CNTN4: variants seen among roughly 807,000 people sequenced by gnomAD.
The protein encoded by CNTN4 is contactin 4.
In CNTN4, 77 loss-of-function variants were observed where a neutral mutation model predicts 122.5. That is an observed-to-expected ratio of 0.63 (90% CI 0.52 to 0.76). The LOEUF (loss-of-function observed/expected upper bound fraction) is 0.76, where lower values mean the gene tolerates loss of function less well. Among genes scored for constraint, CNTN4 ranks in the 30% least tolerant of loss-of-function variants. CNTN4 has a pLI of 0.00. For synonymous variants in CNTN4, 512 were observed against 447.0 expected (o/e 1.15, Z -1.83); for missense variants, 1,256 against 1,259.1 (o/e 1.00, Z 0.04).
At chr3:2,501,579 G>C (rs988414243) in intron 3 of CNTN4, among the ~76,000 whole-genome samples, 2 of 152,134 alleles carry the variant, frequency 1.3e-5, no homozygotes, top group African/African-American at 4.8e-5. Flanking sequence ...AAAGCTAGCA[G>C]TGTACCATCT....
Position 2,689,801 on chromosome 3 carries a change from C to T in CNTN4, c.56-46414C>T, listed in dbSNP as rs74784384. On this transcript the variant is annotated intron_variant, in intron 4 of 24. Coordinates refer to ENST00000418658, the MANE Select transcript of CNTN4 (RefSeq NM_175607.3). ...TATACACCACAATACGAATCCAGGG[C>T]TTCTGTAAGGTCACAGAGCAATCCT... Among the ~76,000 whole-genome samples, 1,145 of 152,200 alleles carry T rather than the reference C, an allele frequency of 7.5e-3. 14 individuals are homozygous for T. Among genetic ancestry groups the T allele is most frequent in the African/African-American group, 0.026 (1,076 of 41,532 alleles).
intron 3 of CNTN4, among the ~76,000 whole-genome samples, chr3:2,403,962 C>T (rs573225480): frequency 6.6e-6 from 1 of 152,154 alleles, no homozygotes; most frequent in Non-Finnish European, 1.5e-5. Context: ...ATAGTGGACC[C>T]TATGAGTACA....
At chr3:2,720,476 A>G (rs2087779222) in intron 4 of CNTN4, among the ~76,000 whole-genome samples, 3 of 152,180 alleles carry the variant, frequency 2.0e-5, no homozygotes, top group African/African-American at 7.2e-5. Context: ...TATGTACCCA[A>G]CTGAGCCATC....
chr3:2,949,519 C>T lies in CNTN4; in HGVS notation c.1358+23740C>T, dbSNP rs542184086. 1.9e-4 allele frequency among the ~76,000 whole-genome samples: 29 copies of T among 152,202 alleles called. 1 individual carries two copies. The South Asian group carries it at 2.5e-3, about 13-fold the overall frequency. On this transcript the variant is annotated intron_variant, in intron 13 of 24. Transcript: ENST00000418658. ...CTCTGCTGTTCTCTACCCAGTGGAC[C>T]GGGTTATGGGAAGGCACAGGCTAAG... is the stretch of plus-strand genomic sequence containing the variant.
chr3:2,571,633 CT>C, intron 4 of CNTN4, 75 bp downstream of exon 4: 1 of 1,044,630 alleles, frequency 9.6e-7, no homozygotes, highest in Non-Finnish European at 1.5e-6. Context: ...TGGGCCTTCA[CT>C]TTAGACGGCA....
At chr3:3,050,726 G>A (rs1041978273) in intron 23 of CNTN4, among the ~76,000 whole-genome samples, 2 of 131,116 alleles carry the variant, frequency 1.5e-5, no homozygotes, top group South Asian at 2.4e-4. Context: ...TCACACCATC[G>A]CACTCTAGCC....
intron 2 of CNTN4, among the ~76,000 whole-genome samples, chr3:2,228,113 G>C (rs1229801482): frequency 6.6e-6 from 1 of 151,984 alleles, no homozygotes; most frequent in Non-Finnish European, 1.5e-5. Context: ...CTAGTTACAA[G>C]TGATTTTTTT....
At chr3:2,164,348 AAAAG>A (rs1327522778) in intron 2 of CNTN4, among the ~76,000 whole-genome samples, 1 of 152,170 alleles carries the variant, frequency 6.6e-6, no homozygotes, top group African/African-American at 2.4e-5. Flanking sequence ...CTGTAAGTAA[AAAAG>A]AGGTTTTATA....
intron 2 of CNTN4, among the ~76,000 whole-genome samples, chr3:2,250,173 G>A (rs746387087): frequency 1.3e-5 from 2 of 151,834 alleles, no homozygotes; most frequent in Non-Finnish European, 2.9e-5. Flanking sequence ...TCACTTCTGT[G>A]TGATCAATTA....
At chr3:2,511,677 G>A (rs1271276464) in intron 3 of CNTN4, 1 of 152,142 alleles carries the variant, frequency 6.6e-6, no homozygotes, top group Non-Finnish European at 1.5e-5. Context: ...AGCGAAACTG[G>A]GACATTTTAC....
chr3:2,916,306 A>C lies in CNTN4; in HGVS notation c.1208-9323A>C, dbSNP rs996926232. Among the ~76,000 whole-genome samples, 5 of 151,530 alleles carry C rather than the reference A, an allele frequency of 3.3e-5. No individual in the cohort carries two copies. In the South Asian group the frequency reaches 1.1e-3, roughly 32 times the overall value. The stretch of plus-strand genomic sequence containing the variant: ...TGGAGGGAAGGTCAGCAGATAAACA[A>C]GTGAACAAGGGTCTCTGGTTTTCCT... On this transcript the variant is annotated intron_variant, in intron 12 of 24. Coordinates refer to ENST00000418658, the MANE Select transcript of CNTN4 (RefSeq NM_175607.3).
chr3:2,738,602 A>G (rs1390745186), intron 5 of CNTN4, among the ~76,000 whole-genome samples: 5 of 152,220 alleles, frequency 3.3e-5, no homozygotes, highest in African/African-American at 1.2e-4. Context: ...GAACAATAAA[A>G]ATAATAAAAA....
At chr3:2,616,134 T>G (rs1466923288) in intron 4 of CNTN4, among the ~76,000 whole-genome samples, 1 of 151,864 alleles carries the variant, frequency 6.6e-6, no homozygotes, top group Non-Finnish European at 1.5e-5. Flanking sequence ...GTCATCTAGC[T>G]GCCCTCCCCT....
At chr3:2,256,952 T>C (rs2040618667) in intron 2 of CNTN4, among the ~76,000 whole-genome samples, 1 of 152,082 alleles carries the variant, frequency 6.6e-6, no homozygotes, top group Non-Finnish European at 1.5e-5. Flanking sequence ...AAATTTTGTA[T>C]GGAACCAAAA....
intron 2 of CNTN4, among the ~76,000 whole-genome samples, chr3:2,313,587 T>C (rs1004994923): frequency 6.6e-6 from 1 of 151,994 alleles, no homozygotes; most frequent in Admixed American, 6.6e-5. Flanking sequence ...TCAGAATAAA[T>C]ATCAGGGCCG....
intron 8 of CNTN4, chr3:2,882,778 C>A (rs9815598): frequency 0.02 from 4,133 of 204,840 alleles, 183 homozygotes; most frequent in African/African-American, 0.09. Context: ...ATTAATAAAT[C>A]TTACAAATTT....
At chr3:3,024,809 C>T (rs1003825955) in intron 14 of CNTN4, among the ~76,000 whole-genome samples, 2 of 152,144 alleles carry the variant, frequency 1.3e-5, no homozygotes, top group Non-Finnish European at 2.9e-5. Context: ...CACAAAAATT[C>T]TCCTGTCAGA....
At chr3:2,340,822 T>G (rs1394258755) in intron 3 of CNTN4, among the ~76,000 whole-genome samples, 1 of 151,494 alleles carries the variant, frequency 6.6e-6, no homozygotes, top group Non-Finnish European at 1.5e-5. Context: ...AACTGGCTAT[T>G]GTTCTGTAAC....
At chr3:2,149,471 C>T (rs556658958) in intron 2 of CNTN4, among the ~76,000 whole-genome samples, 4 of 152,240 alleles carry the variant, frequency 2.6e-5, no homozygotes, top group Non-Finnish European at 5.9e-5. Context: ...ATTTTTACTG[C>T]TGTCCCCTAA....
Sources: allele counts gnomAD v4.1 joint callset (sites outside exome capture counted in the v4.1 genomes callset), GRCh38; gene constraint gnomAD v4.1.1; transcripts MANE v1.5; gene names NCBI Gene and HGNC (gene_info 2026-07-23, HGNC 2026-07-21).